TFDP1: variants seen among roughly 807,000 people sequenced by gnomAD.
TFDP1 encodes the protein DRTF1-polypeptide 1.
A neutral mutation model predicts 48.0 loss-of-function variants in TFDP1; 6 were observed. The ratio of observed to expected loss-of-function variants is 0.13; its 90% CI spans 0.07 to 0.25. The LOEUF (loss-of-function observed/expected upper bound fraction) is 0.25, where lower values mean the gene tolerates loss of function less well. TFDP1 is among the 10% of genes least tolerant of loss of function. The pLI is 1.00. For synonymous variants in TFDP1, 201 were observed against 211.6 expected (o/e 0.95, Z 0.44); for missense variants, 335 against 543.0 (o/e 0.62, Z 3.81).
chr13:113,636,679 G>T lies in TFDP1; in HGVS notation c.985G>T (p.Ala329Ser). Residue 329 changes from alanine to serine, a missense_variant, in exon 10 of 12, where the codon GCT (alanine) becomes TCT (serine). Ala to Ser is a moderately conservative substitution (Grantham distance 99, BLOSUM62 1). Coordinates refer to ENST00000375370, the MANE Select transcript of TFDP1 (RefSeq NM_007111.5). ...AATGGCCAGAAGTCTGGTCCCCAAGGCTCTGGAGCCATACGTGACAGGTCA... is the reference window on the plus strand; with the variant it reads ...AATGGCCAGAAGTCTGGTCCCCAAGTCTCTGGAGCCATACGTGACAGGTCA... Reference protein sequence around the residue: ...LKMARSLVPKALEPYVTEMAQ... With the variant: ...LKMARSLVPKSLEPYVTEMAQ... 2 of 1,614,128 alleles carry T rather than the reference G, an allele frequency of 1.2e-6. No individual in the cohort carries two copies. The highest frequency in any genetic ancestry group is 8.5e-7 in the Non-Finnish European group (1 of 1,179,984).
chr13:113,628,603 G>T (rs1331464714), intron 4 of TFDP1, among the ~76,000 whole-genome samples: 1 of 152,238 alleles, frequency 6.6e-6, no homozygotes, highest in Non-Finnish European at 1.5e-5. Flanking sequence ...GGGACCCACA[G>T]CCTCCCAGCT....
intron 4 of TFDP1, among the ~76,000 whole-genome samples, chr13:113,626,503 C>G (rs1289297858): frequency 6.6e-6 from 1 of 151,956 alleles, no homozygotes; most frequent in Non-Finnish European, 1.5e-5. Context: ...CCGCGTCCCA[C>G]TTCCCTGCGC....
chr13:113,617,929 T>C (rs1371604074), intron 3 of TFDP1, among the ~76,000 whole-genome samples: 1 of 152,268 alleles, frequency 6.6e-6, no homozygotes, highest in Non-Finnish European at 1.5e-5. Flanking sequence ...TTTCTGTTAA[T>C]GGATTATAGC....
At chr13:113,608,401 C>A (rs2048621795) in intron 2 of TFDP1, among the ~76,000 whole-genome samples, 1 of 152,226 alleles carries the variant, frequency 6.6e-6, no homozygotes, top group Admixed American at 6.5e-5. Context: ...AGACACCATA[C>A]AGGGGAACTG....
chr13:113,606,375 G>A (rs1392836376), intron 2 of TFDP1, among the ~76,000 whole-genome samples: 1 of 152,166 alleles, frequency 6.6e-6, no homozygotes, highest in East Asian at 1.9e-4. Context: ...CACCATCAAG[G>A]CCCTGGTAGG....
intron 3 of TFDP1, among the ~76,000 whole-genome samples, chr13:113,611,418 G>A (rs1477118997): frequency 6.6e-6 from 1 of 152,240 alleles, no homozygotes; most frequent in East Asian, 1.9e-4. Flanking sequence ...GGCCTCACCT[G>A]TGCTGTTTGA....
intron 3 of TFDP1, among the ~76,000 whole-genome samples, chr13:113,622,218 G>A (rs906675816): frequency 2.6e-5 from 4 of 152,316 alleles, no homozygotes; most frequent in South Asian, 2.1e-4. Context: ...CGGTCTCTGC[G>A]ACTTGGTGGT....
intron 5 of TFDP1, among the ~76,000 whole-genome samples, chr13:113,632,670 C>T (rs550845547): frequency 2.0e-5 from 3 of 152,146 alleles, no homozygotes; most frequent in South Asian, 2.1e-4. Context: ...CCCAGCTACT[C>T]GGGAGGCTGA....
At position 113,591,892 on chromosome 13, in the gene TFDP1, C is replaced by T. The variant is rs543881521; in HGVS notation, c.12+6043C>T. Among the ~76,000 whole-genome samples the T allele has an allele frequency of 6.6e-5, 10 of 152,250 alleles. No homozygotes were observed. In the East Asian group the frequency reaches 1.5e-3, roughly 24 times the overall value. On this transcript the variant is annotated intron_variant, in intron 2 of 11. Coordinates refer to ENST00000375370, the MANE Select transcript of TFDP1 (RefSeq NM_007111.5). Reference sequence around the variant, plus strand: ...TCTTACTCAGATGATTCTGGTTGTTCGGGTACTGGCCATGCACTGCTCTCT... The same window carrying T: ...TCTTACTCAGATGATTCTGGTTGTTTGGGTACTGGCCATGCACTGCTCTCT...
intron 3 of TFDP1, among the ~76,000 whole-genome samples, chr13:113,618,665 G>A (rs568750315): frequency 6.6e-5 from 10 of 152,340 alleles, no homozygotes; most frequent in African/African-American, 1.4e-4. Flanking sequence ...CTGGGACAGC[G>A]GCCGCTGGGA....
chr13:113,638,566 A>G (rs1009701792), intron 11 of TFDP1, among the ~76,000 whole-genome samples: 2 of 152,224 alleles, frequency 1.3e-5, no homozygotes, highest in African/African-American at 2.4e-5. Context: ...TATTTTTCAG[A>G]ACGCGTCTGT....
rs1403602907 is a variant in TFDP1, at chr13:113,597,878, G to C, written c.12+12029G>C. ...TCTTTGCCCCAGTGTTGCACAGAGG[G>C]GCCCTGGCTTTCCCTGGGCACTGTT... On this transcript the variant is annotated intron_variant, in intron 2 of 11. Coordinates refer to ENST00000375370, the MANE Select transcript of TFDP1 (RefSeq NM_007111.5). Among the ~76,000 whole-genome samples, 10 of 152,318 alleles carry C rather than the reference G, an allele frequency of 6.6e-5. No homozygotes were observed. In the South Asian group the frequency reaches 2.1e-3, roughly 32 times the overall value.
At position 113,623,856 on chromosome 13, in the gene TFDP1, A is replaced by G. The variant is rs2049054590; in HGVS notation, c.186+570A>G. ...TGGCCAACTGATGCTGCTTCTCATAATGCTGTTTCCTGTCTCGTGTCCGCC... is the reference window on the plus strand; with the variant it reads ...TGGCCAACTGATGCTGCTTCTCATAGTGCTGTTTCCTGTCTCGTGTCCGCC... On this transcript the variant is annotated intron_variant, in intron 4 of 11. Coordinates refer to ENST00000375370, the MANE Select transcript of TFDP1 (RefSeq NM_007111.5). This position sits in a 1 kb window ranked among gnomAD's most constrained non-coding sequence, Gnocchi z 5.2. 6.6e-6 allele frequency among the ~76,000 whole-genome samples: 1 copy of G among 152,094 alleles called. No homozygotes were observed. Among genetic ancestry groups the G allele is most frequent in the African/African-American group, 2.4e-5 (1 of 41,418 alleles).
At chr13:113,614,811 C>T (rs540826250) in intron 3 of TFDP1, among the ~76,000 whole-genome samples, 11 of 152,298 alleles carry the variant, frequency 7.2e-5, no homozygotes, top group South Asian at 2.1e-4. Context: ...ATAGTGGGGC[C>T]GTCAGGGCGG....
intron 2 of TFDP1, among the ~76,000 whole-genome samples, chr13:113,592,312 T>C (rs963889485): frequency 3.3e-5 from 5 of 152,168 alleles, no homozygotes; most frequent in African/African-American, 1.2e-4. Context: ...TGCGCCACCA[T>C]ACCCTGCTAA....
intron 3 of TFDP1, among the ~76,000 whole-genome samples, chr13:113,615,757 AAGT>A (rs1442216925): frequency 6.6e-6 from 1 of 152,206 alleles, no homozygotes; most frequent in African/African-American, 2.4e-5. Flanking sequence ...TTTTAAAAAA[AAGT>A]AGCCAAGCAT....
chr13:113,596,594 G>T (rs1414305457), intron 2 of TFDP1, among the ~76,000 whole-genome samples: 1 of 152,208 alleles, frequency 6.6e-6, no homozygotes, highest in Non-Finnish European at 1.5e-5. Flanking sequence ...CTGGAAGCCT[G>T]GTCTGTAGGC....
At chr13:113,638,033 GGGCCCCGCT>G in intron 11 of TFDP1, 137 bp downstream of exon 11, 1 of 1,122,894 alleles carries the variant, frequency 8.9e-7, no homozygotes, top group Non-Finnish European at 1.3e-6. Context: ...CCAGGCAGTG[GGGCCCCGCT>G]GGCTTTCCCT....
Position 113,633,859 on chromosome 13 carries a change from A to G in TFDP1, c.475-31A>G, listed in dbSNP as rs770837816. On this transcript the variant is annotated intron_variant, in intron 6 of 11. Transcript: ENST00000375370. This position sits in a 1 kb window ranked among gnomAD's most constrained non-coding sequence, Gnocchi z 4.5. ...AAGGATCCACCGGCCTTTTTGGATCATTTGGAAACTCCACTCCCTGTCATC... is the reference window on the plus strand; with the variant it reads ...AAGGATCCACCGGCCTTTTTGGATCGTTTGGAAACTCCACTCCCTGTCATC... 17 of 1,582,356 alleles carry G rather than the reference A, an allele frequency of 1.1e-5. No homozygotes were observed. Among genetic ancestry groups the G allele is most frequent in the Middle Eastern group, 2.2e-4 (1 of 4,622 alleles).
Sources: allele counts gnomAD v4.1 joint callset (sites outside exome capture counted in the v4.1 genomes callset), GRCh38; gene constraint gnomAD v4.1.1; non-coding constraint Gnocchi (gnomAD v3.1); transcripts MANE v1.5; gene names NCBI Gene and HGNC (gene_info 2026-07-23, HGNC 2026-07-21).